The following TRAK1 variants were observed in gnomAD, a reference collection of about 807,000 sequenced individuals.
TRAK1 encodes the protein trafficking kinesin protein 1, also known as trafficking kinesin-binding protein 1.
TRAK1 carries 33 observed loss-of-function variants against 92.1 expected under a neutral mutation model. The ratio of observed to expected loss-of-function variants is 0.36; its 90% CI spans 0.27 to 0.48. The LOEUF (loss-of-function observed/expected upper bound fraction) is 0.48, where lower values mean the gene tolerates loss of function less well. Ranked by LOEUF, TRAK1 falls within the 20% of genes least tolerant of loss-of-function variation. The probability of loss-of-function intolerance (pLI) is 0.99; values close to 1 mark genes in which losing one functional copy is unlikely to be tolerated. For missense variants in TRAK1, 1,123 were observed against 1,257.9 expected (o/e 0.89, Z 1.62); for synonymous variants, 521 against 517.3 (o/e 1.01, Z -0.10).
intron 6 of TRAK1, among the ~76,000 whole-genome samples, chr3:42,190,586 C>T (rs768871240): frequency 8.5e-5 from 13 of 152,124 alleles, no homozygotes; most frequent in Non-Finnish European, 8.8e-5. Flanking sequence ...CAGCCCCGGG[C>T]GCCCAGCAAC....
In TRAK1 at chr3:42,139,220, A is replaced by G. The variant is rs77891888; in HGVS notation, c.286+13606A>G. Among the ~76,000 whole-genome samples, 804 of 152,222 alleles carry G rather than the reference A, an allele frequency of 5.3e-3. 6 individuals are homozygous for G. The highest frequency in any genetic ancestry group is 0.018 in the African/African-American group (745 of 41,538). On this transcript the variant is annotated intron_variant, in intron 2 of 15. Coordinates refer to ENST00000327628, the MANE Select transcript of TRAK1 (RefSeq NM_001042646.3). ...TCTGTCATCCCTAAGCTCTGGGGCC[A>G]TTTTGTTTACAGGCAAGGACCTAAG...
intron 1 of TRAK1, among the ~76,000 whole-genome samples, chr3:42,032,010 A>G (rs1702163878): frequency 6.6e-6 from 1 of 152,170 alleles, no homozygotes; most frequent in Non-Finnish European, 1.5e-5. Context: ...GCATGGGGTG[A>G]AGTCTGAATT....
intron 2 of TRAK1, chr3:42,149,539 C>A (rs1211964181): frequency 6.5e-7 from 1 of 1,536,068 alleles, no homozygotes; most frequent in Non-Finnish European, 8.7e-7. Flanking sequence ...ACTGACTATG[C>A]AGAAATTTAT....
Position 42,225,573 on chromosome 3 carries a change from T to A in TRAK1, c.*1836T>A, listed in dbSNP as rs767312743. 7.2e-5 allele frequency: 11 copies of A among 152,210 alleles called. No homozygotes were observed. Among genetic ancestry groups the A allele is most frequent in the Non-Finnish European group, 1.5e-4 (10 of 68,034 alleles). 9.4% of individuals were successfully genotyped at this position (152,210 alleles called of 1,614,324 possible). On this transcript the variant is annotated 3_prime_UTR_variant, in exon 16 of 16. Coordinates refer to ENST00000327628, the MANE Select transcript of TRAK1 (RefSeq NM_001042646.3). ...GGACTGAATGGACCATTTTATGTAT[T>A]CAGAGAGAGAAGCCACTCATCATTG...
chr3:42,203,602 C>G, intron 13 of TRAK1: 1 of 983,168 alleles, frequency 1.0e-6, no homozygotes, highest in South Asian at 4.7e-5. Context: ...ATTTTTTACT[C>G]CTTTAGTTTG....
At chr3:42,101,607 A>G (rs1706762052) in intron 1 of TRAK1, among the ~76,000 whole-genome samples, 2 of 152,260 alleles carry the variant, frequency 1.3e-5, no homozygotes, top group Admixed American at 1.3e-4. Context: ...TTTGCAGGTC[A>G]GAAGGTCTCT....
chr3:42,088,468 CA>C (rs1330936025), upstream of TRAK1, among the ~76,000 whole-genome samples: 1 of 152,228 alleles, frequency 6.6e-6, no homozygotes, highest in African/African-American at 2.4e-5. Context: ...TCTACTGCAT[CA>C]TTCTTTTCCC....
chr3:42,184,598 G>A, intron 3 of TRAK1, 87 bp from the exon 4 acceptor site: 6 of 1,261,540 alleles, frequency 4.8e-6, no homozygotes, highest in Non-Finnish European at 5.6e-6. Flanking sequence ...AGATGCTTAT[G>A]TTTTCCTCAT....
At chr3:42,222,150 G>A (rs189300290) in intron 15 of TRAK1, among the ~76,000 whole-genome samples, 5 of 152,254 alleles carry the variant, frequency 3.3e-5, no homozygotes, top group South Asian at 2.1e-4. Flanking sequence ...AGCACAACAC[G>A]AGTGAATGAA....
upstream of TRAK1, among the ~76,000 whole-genome samples, chr3:42,090,047 C>A (rs1704923731): frequency 6.6e-6 from 1 of 152,166 alleles, no homozygotes; most frequent in Non-Finnish European, 1.5e-5. Flanking sequence ...GACCCCAGGG[C>A]AAGGGTTCTT....
intron 1 of TRAK1, among the ~76,000 whole-genome samples, chr3:42,116,741 G>A (rs1264444799): frequency 1.3e-5 from 2 of 152,166 alleles, no homozygotes; most frequent in East Asian, 3.8e-4. Flanking sequence ...CAGGGGTCAT[G>A]CTCTGCACCC....
At chr3:42,190,978 T>C (rs1436966107) in intron 6 of TRAK1, among the ~76,000 whole-genome samples, 2 of 152,114 alleles carry the variant, frequency 1.3e-5, no homozygotes, top group Non-Finnish European at 2.9e-5. Context: ...ATCCCACCCT[T>C]TTCAGCCAGG....
chr3:42,053,787 C>T (rs1032873974), intron 1 of TRAK1, among the ~76,000 whole-genome samples: 2 of 152,116 alleles, frequency 1.3e-5, no homozygotes, highest in African/African-American at 4.8e-5. Context: ...AATGAAACCC[C>T]ACGTGCCGAG....
chr3:42,213,054 ATT>A (rs34073573), intron 14 of TRAK1, among the ~76,000 whole-genome samples: 33,704 of 112,230 alleles, frequency 0.3, 3,825 homozygotes, highest in Admixed American at 0.43. Context: ...TGGAGCTGAG[ATT>A]TTTTTTTTTT....
In TRAK1 at chr3:42,202,971, A is replaced by G. The variant is rs1292563014; in HGVS notation, c.1744+219A>G. 5.9e-6 allele frequency: 8 copies of G among 1,344,822 alleles called. No homozygotes were observed. The highest frequency in any genetic ancestry group is 2.9e-5 in the African/African-American group (2 of 67,842). 83.3% of individuals were successfully genotyped at this position (1,344,822 alleles called of 1,614,324 possible). Reference sequence around the variant, plus strand: ...AGGTGTGACAATGCACACATAGGCCATGAAACTCGCCGAGGAAAGACAAGC... The same window carrying G: ...AGGTGTGACAATGCACACATAGGCCGTGAAACTCGCCGAGGAAAGACAAGC... On this transcript the variant is annotated intron_variant, in intron 13 of 15. Transcript: ENST00000327628. This position sits in a 1 kb window ranked among gnomAD's most constrained non-coding sequence, Gnocchi z 6.1.
intron 2 of TRAK1, among the ~76,000 whole-genome samples, chr3:42,137,547 A>G (rs1392850576): frequency 6.6e-6 from 1 of 152,240 alleles, no homozygotes; most frequent in African/African-American, 2.4e-5. Flanking sequence ...TATCATTTCA[A>G]GAAAGATGGG....
intron 1 of TRAK1, among the ~76,000 whole-genome samples, chr3:42,062,649 C>T (rs12488726): frequency 0.015 from 2,279 of 152,256 alleles, 150 homozygotes; most frequent in Admixed American, 0.12. Context: ...GTTGTGTCAG[C>T]GCTATCTGTA....
intron 2 of TRAK1, among the ~76,000 whole-genome samples, chr3:42,125,931 A>C (rs1246433381): frequency 1.3e-5 from 2 of 150,374 alleles, no homozygotes; most frequent in Admixed American, 1.3e-4. Context: ...GCTCACTACA[A>C]CCTCTGCCTC....
intron 1 of TRAK1, among the ~76,000 whole-genome samples, chr3:42,099,007 G>C (rs1349158651): frequency 6.6e-6 from 1 of 151,958 alleles, no homozygotes; most frequent in Non-Finnish European, 1.5e-5. Flanking sequence ...CCATGGAATA[G>C]CGGGGATAAC....
Sources: allele counts gnomAD v4.1 joint callset (sites outside exome capture counted in the v4.1 genomes callset), GRCh38; gene constraint gnomAD v4.1.1; non-coding constraint Gnocchi (gnomAD v3.1); transcripts MANE v1.5; gene names NCBI Gene and HGNC (gene_info 2026-07-23, HGNC 2026-07-21).